Variants in LRMDA observed in about 807,000 individuals in gnomAD.
LRMDA encodes the protein leucine-rich melanocyte differentiation-associated protein.
A neutral mutation model predicts 29.8 loss-of-function variants in LRMDA; 18 were observed. That is an observed-to-expected ratio of 0.60 (90% CI 0.42 to 0.90). LRMDA has a LOEUF of 0.90. Ranked by LOEUF, LRMDA falls within the 40% of genes least tolerant of loss-of-function variation. LRMDA has a pLI of 0.00. For missense variants in LRMDA, 273 were observed against 273.9 expected (o/e 1.00, Z 0.02); for synonymous variants, 125 against 109.4 (o/e 1.14, Z -0.89).
At position 76,457,749 on chromosome 10, in the gene LRMDA, C is replaced by T. The variant is rs1193953583; in HGVS notation, c.602-99460C>T. Among the ~76,000 whole-genome samples, 4 of 152,114 alleles carry T rather than the reference C, an allele frequency of 2.6e-5. No homozygotes were observed. The East Asian group carries it at 5.8e-4, about 22-fold the overall frequency. On this transcript the variant is annotated intron_variant, in intron 6 of 6. Transcript: ENST00000611255. ...AAATATAGAAACAACAAGGTTACGT[C>T]TCAATCAGTTGACAGAAATGTTGTG...
chr10:76,505,640 T>G (rs1192778517), intron 6 of LRMDA, among the ~76,000 whole-genome samples: 1 of 152,136 alleles, frequency 6.6e-6, no homozygotes, highest in Non-Finnish European at 1.5e-5. Flanking sequence ...GAAATGGCTA[T>G]TTTGTCTTTT....
In LRMDA at chr10:75,937,515, G is replaced by T. The variant is rs147278000; in HGVS notation, c.132-98493G>T. On this transcript the variant is annotated intron_variant, in intron 2 of 6. Transcript: ENST00000611255. ...TGTGAAAGTTCAAAGTAAAGCAGGT[G>T]CTGTGTTTGAAAGCAACACTGCCCC... 2.7e-4 allele frequency among the ~76,000 whole-genome samples: 41 copies of T among 152,292 alleles called. No individual in the cohort carries two copies. The East Asian group carries it at 7.2e-3, about 27-fold the overall frequency.
chr10:76,417,904 A>G (rs574748532), intron 6 of LRMDA, among the ~76,000 whole-genome samples: 1 of 152,188 alleles, frequency 6.6e-6, no homozygotes, highest in South Asian at 2.1e-4. Context: ...TCATAAGGAT[A>G]TCTGAAAAGA....
At chr10:75,693,079 T>G (rs1842191984) in intron 2 of LRMDA, among the ~76,000 whole-genome samples, 1 of 152,142 alleles carries the variant, frequency 6.6e-6, no homozygotes, top group Admixed American at 6.5e-5. Flanking sequence ...CCATCAGTCC[T>G]GTTGGCTGAG....
intron 6 of LRMDA, among the ~76,000 whole-genome samples, chr10:76,458,234 G>T (rs1842478207): frequency 6.6e-6 from 1 of 151,938 alleles, no homozygotes; most frequent in Non-Finnish European, 1.5e-5. Context: ...TCCAGACAAG[G>T]GTGGGTTGTT....
chr10:76,532,396 T>A (rs184881537), intron 6 of LRMDA, among the ~76,000 whole-genome samples: 36 of 152,244 alleles, frequency 2.4e-4, no homozygotes, highest in Non-Finnish European at 4.1e-4. Context: ...AGTTAGTTCC[T>A]TTATACATTT....
chr10:76,322,051 T>TTC (rs1840778048), intron 5 of LRMDA, among the ~76,000 whole-genome samples: 1 of 152,240 alleles, frequency 6.6e-6, no homozygotes, highest in Non-Finnish European at 1.5e-5. Flanking sequence ...TAGGCATATC[T>TTC]TCTTAACCCA....
intron 6 of LRMDA, among the ~76,000 whole-genome samples, chr10:76,503,519 C>T (rs568647923): frequency 8.6e-5 from 13 of 150,914 alleles, no homozygotes; most frequent in Admixed American, 2.6e-4. Flanking sequence ...GTTATTGTTC[C>T]GTTCAGGTTT....
At chr10:75,511,014 TATTG>T (rs773147330) in intron 2 of LRMDA, among the ~76,000 whole-genome samples, 60 of 152,122 alleles carry the variant, frequency 3.9e-4, no homozygotes, top group Non-Finnish European at 7.1e-4. Flanking sequence ...GCACCTACTG[TATTG>T]ATTTGGGAAG....
At chr10:75,720,915 G>C (rs1842559080) in intron 2 of LRMDA, among the ~76,000 whole-genome samples, 1 of 152,160 alleles carries the variant, frequency 6.6e-6, no homozygotes, top group African/African-American at 2.4e-5. Flanking sequence ...AACCCATGAT[G>C]GGAAGTCATT....
chr10:75,505,427 GATA>G (rs1845159064), intron 2 of LRMDA, among the ~76,000 whole-genome samples: 1 of 152,148 alleles, frequency 6.6e-6, no homozygotes, highest in South Asian at 2.1e-4. Flanking sequence ...CATAGTTGTA[GATA>G]ATCAGGGGAC....
chr10:76,541,956 T>A (rs1392720740), intron 6 of LRMDA, among the ~76,000 whole-genome samples: 2 of 152,192 alleles, frequency 1.3e-5, no homozygotes, highest in African/African-American at 2.4e-5. Context: ...CTAAATAATA[T>A]AGTAATTCTC....
intron 2 of LRMDA, among the ~76,000 whole-genome samples, chr10:75,519,400 A>G (rs1032730741): frequency 3.3e-5 from 5 of 152,188 alleles, no homozygotes; most frequent in Non-Finnish European, 7.3e-5. Context: ...TAGGGTAGTT[A>G]GCTCTTCTTG....
chr10:75,812,281 G>A (rs541171570), intron 2 of LRMDA, among the ~76,000 whole-genome samples: 1 of 152,094 alleles, frequency 6.6e-6, no homozygotes, highest in South Asian at 2.1e-4. Context: ...GATCAACACT[G>A]CTGCAGTTAT....
intron 2 of LRMDA, among the ~76,000 whole-genome samples, chr10:75,582,847 A>G (rs192784963): frequency 6.6e-6 from 1 of 152,220 alleles, no homozygotes; most frequent in Non-Finnish European, 1.5e-5. Flanking sequence ...GGTTGTTAGA[A>G]GCAGCCAGGC....
chr10:75,676,683 G>T (rs1464148853), intron 2 of LRMDA, among the ~76,000 whole-genome samples: 2 of 152,090 alleles, frequency 1.3e-5, no homozygotes, highest in Non-Finnish European at 2.9e-5. Context: ...ACCCACTCTA[G>T]CTTCTTTTCC....
chr10:76,557,146 A>C, intron 6 of LRMDA, 63 bp from the exon 7 acceptor site: 1 of 1,314,206 alleles, frequency 7.6e-7, no homozygotes. Context: ...GCTTTTCAGC[A>C]CCTGTGTTTC....
chr10:75,564,670 A>C (rs969384346), intron 2 of LRMDA, among the ~76,000 whole-genome samples: 1 of 152,240 alleles, frequency 6.6e-6, no homozygotes, highest in Non-Finnish European at 1.5e-5. Context: ...CTATTCGGCC[A>C]TCTTGGCTGC....
At chr10:76,368,506 G>A (rs1031429056) in intron 6 of LRMDA, among the ~76,000 whole-genome samples, 11 of 152,048 alleles carry the variant, frequency 7.2e-5, no homozygotes, top group Admixed American at 1.3e-4. Context: ...ATTGAGGCTC[G>A]TTTTATGGTC....
Sources: allele counts gnomAD v4.1 joint callset (sites outside exome capture counted in the v4.1 genomes callset), GRCh38; gene constraint gnomAD v4.1.1; transcripts MANE v1.5; gene names NCBI Gene and HGNC (gene_info 2026-07-23, HGNC 2026-07-21).